Variants in PXDNL observed in about 807,000 individuals in gnomAD.
The protein encoded by PXDNL is probable oxidoreductase PXDNL.
PXDNL carries 145 observed loss-of-function variants against 150.8 expected under a neutral mutation model. The observed-to-expected ratio is 0.96, with a 90% CI of 0.84 to 1.10. PXDNL has a LOEUF of 1.10. Ranked by LOEUF, PXDNL falls within the 50% of genes least tolerant of loss-of-function variation. PXDNL has a pLI of 0.00. For synonymous variants in PXDNL, 757 were observed against 725.7 expected (o/e 1.04, Z -0.69); for missense variants, 2,087 against 1,873.9 (o/e 1.11, Z -2.10).
intron 1 of PXDNL, among the ~76,000 whole-genome samples, chr8:51,753,731 TA>T: frequency 6.6e-6 from 1 of 152,248 alleles, no homozygotes; most frequent in East Asian, 1.9e-4. Context: ...TAACGGGAAA[TA>T]AACCTTGATG....
chr8:51,436,774 A>T lies in PXDNL; in HGVS notation c.1526-10016T>A, dbSNP rs183642402. 2.8e-3 allele frequency among the ~76,000 whole-genome samples: 424 copies of T among 152,316 alleles called. 2 individuals carry two copies. Among genetic ancestry groups the T allele is most frequent in the Non-Finnish European group, 4.9e-3 (336 of 68,030 alleles). ...GAAGTCTGAAAGGGCACAAACAGAC[A>T]ATCTAAGGTCACACCTCAAGGAACT... On this transcript the variant is annotated intron_variant, in intron 12 of 22. Coordinates refer to ENST00000356297, the MANE Select transcript of PXDNL (RefSeq NM_144651.5).
intron 1 of PXDNL, among the ~76,000 whole-genome samples, chr8:51,744,055 AAG>A (rs1563307046): frequency 1.6e-3 from 94 of 59,130 alleles, no homozygotes; most frequent in Non-Finnish European, 2.6e-3. Context: ...GGAAGGAAGG[AAG>A]GAAGGAAGGA....
chr8:51,628,775 C>T (rs1814423516), intron 2 of PXDNL, among the ~76,000 whole-genome samples: 1 of 151,834 alleles, frequency 6.6e-6, no homozygotes. Context: ...TCTAGCTGGA[C>T]ACAAGTAAAA....
At chr8:51,328,686 T>C (rs1253833381) in intron 21 of PXDNL, among the ~76,000 whole-genome samples, 1 of 152,090 alleles carries the variant, frequency 6.6e-6, no homozygotes, top group African/African-American at 2.4e-5. Flanking sequence ...ATCTAAGAAC[T>C]ACAGGGCAAT....
intron 2 of PXDNL, among the ~76,000 whole-genome samples, chr8:51,639,029 A>G (rs904250968): frequency 1.4e-4 from 22 of 152,214 alleles, no homozygotes; most frequent in Non-Finnish European, 2.6e-4. Context: ...ATCAAACTAG[A>G]ACTCAGGATT....
intron 1 of PXDNL, among the ~76,000 whole-genome samples, chr8:51,759,733 G>A (rs1237132084): frequency 2.6e-5 from 4 of 152,212 alleles, no homozygotes; most frequent in Admixed American, 2.6e-4. Context: ...TTGACTGAAC[G>A]TCAAAGGAGC....
intron 2 of PXDNL, among the ~76,000 whole-genome samples, chr8:51,615,484 T>C (rs1814112109): frequency 6.6e-6 from 1 of 152,118 alleles, no homozygotes. Context: ...GCAAAATTAA[T>C]TTTTTTAGCA....
chr8:51,607,543 TA>T (rs1813862557), intron 2 of PXDNL, among the ~76,000 whole-genome samples: 1 of 151,940 alleles, frequency 6.6e-6, no homozygotes, highest in Admixed American at 6.5e-5. Context: ...CTTGGCACTG[TA>T]AGAAAGCAGA....
intron 2 of PXDNL, among the ~76,000 whole-genome samples, chr8:51,599,294 T>C (rs1813642062): frequency 6.6e-6 from 1 of 152,058 alleles, no homozygotes; most frequent in African/African-American, 2.4e-5. Flanking sequence ...TAGTTTGTTC[T>C]TGTTTTTCTC....
chr8:51,360,243 A>T (rs751400692), intron 19 of PXDNL, among the ~76,000 whole-genome samples: 6 of 152,226 alleles, frequency 3.9e-5, no homozygotes, highest in Admixed American at 2.6e-4. Flanking sequence ...ATGCATGTAC[A>T]TACCCATATG....
chr8:51,774,546 C>G (rs2129244419), intron 1 of PXDNL, among the ~76,000 whole-genome samples: 1 of 152,306 alleles, frequency 6.6e-6, no homozygotes, highest in Middle Eastern at 3.4e-3. Context: ...GGGCTGAGCA[C>G]AGTGGCTCAT....
At chr8:51,508,596 G>A (rs1188027513) in intron 4 of PXDNL, among the ~76,000 whole-genome samples, 1 of 152,190 alleles carries the variant, frequency 6.6e-6, no homozygotes, top group Non-Finnish European at 1.5e-5. Context: ...CTGGACTGGA[G>A]TGCCTGGGGC....
Position 51,671,157 on chromosome 8 carries a change from C to G in PXDNL, c.165-16397G>C, listed in dbSNP as rs1044635174. ...ATATTCTTATTTGGAAGACTTGACT[C>G]GAAATAGTATGAATTATGCTGTATA... is the stretch of plus-strand genomic sequence containing the variant. On this transcript the variant is annotated intron_variant, in intron 1 of 22. Coordinates refer to ENST00000356297, the MANE Select transcript of PXDNL (RefSeq NM_144651.5). Among the ~76,000 whole-genome samples the G allele has an allele frequency of 3.9e-5, 6 of 152,014 alleles. 1 individual carries two copies. The highest frequency in any genetic ancestry group is 3.9e-4 in the Admixed American group (6 of 15,260).
intron 5 of PXDNL, among the ~76,000 whole-genome samples, chr8:51,495,688 G>C (rs1217516081): frequency 6.6e-6 from 1 of 152,082 alleles, no homozygotes; most frequent in Admixed American, 6.6e-5. Context: ...AGAAGAAATG[G>C]ATAAATTCCT....
intron 6 of PXDNL, 69 bp from the exon 7 acceptor site, chr8:51,475,210 G>A (rs940598003): frequency 7.0e-7 from 1 of 1,437,262 alleles, no homozygotes; most frequent in Non-Finnish European, 9.5e-7. Flanking sequence ...TCTTTTGAGT[G>A]GTAATATTTA....
intron 19 of PXDNL, among the ~76,000 whole-genome samples, chr8:51,366,530 T>C (rs1308055232): frequency 1.3e-5 from 2 of 151,650 alleles, no homozygotes; most frequent in Non-Finnish European, 3.0e-5. Flanking sequence ...CACATCTGTA[T>C]GTGTACACAC....
chr8:51,609,266 A>G (rs1238392280), intron 2 of PXDNL, among the ~76,000 whole-genome samples: 1 of 152,230 alleles, frequency 6.6e-6, no homozygotes, highest in Non-Finnish European at 1.5e-5. Flanking sequence ...CACACAGTTG[A>G]TTAAAATATT....
At chr8:51,622,206 G>A (rs1554559054) in intron 2 of PXDNL, among the ~76,000 whole-genome samples, 1 of 152,114 alleles carries the variant, frequency 6.6e-6, no homozygotes, top group Non-Finnish European at 1.5e-5. Context: ...GGCCGGCAAG[G>A]AAGCAGGAAT....
Position 51,422,790 on chromosome 8 carries a change from C to T in PXDNL, c.1795+785G>A, listed in dbSNP as rs117924915. 5.7e-4 allele frequency among the ~76,000 whole-genome samples: 87 copies of T among 152,208 alleles called. No homozygotes were observed. The East Asian group carries it at 0.011, about 19-fold the overall frequency. On this transcript the variant is annotated intron_variant, in intron 14 of 22. Transcript: ENST00000356297. ...AAAAAAGCAACACTAATGTGAACTC[C>T]CACATGCAGACATGCTGTGCTTTCC... is the stretch of plus-strand genomic sequence containing the variant.
Sources: gnomAD v4.1 joint callset for allele counts (sites outside exome capture counted in the v4.1 genomes callset) on GRCh38, gnomAD v4.1.1 for gene constraint, MANE v1.5 for transcripts, NCBI Gene and HGNC (gene_info 2026-07-23, HGNC 2026-07-21) for gene names.